Variants in P3H3 observed in about 807,000 individuals in gnomAD.
P3H3 encodes the protein prolyl 3-hydroxylase 3.
Under a neutral mutation model 78.1 loss-of-function variants are expected in P3H3, and 64 were observed. The observed-to-expected ratio is 0.82, with a 90% CI of 0.67 to 1.01. P3H3 has a LOEUF of 1.01. Ranked by LOEUF, P3H3 falls within the 50% of genes least tolerant of loss-of-function variation. The pLI, the probability that P3H3 is intolerant of heterozygous loss-of-function variation, is 0.00. For missense variants in P3H3, 975 were observed against 982.2 expected, an observed-to-expected ratio of 0.99 and a Z score of 0.10; for synonymous variants, 425 against 416.7, an observed-to-expected ratio of 1.02 and a Z score of -0.24.
chr12:6,833,704 G>C (rs781942338), intron 7 of P3H3, 38 bp from the exon 8 acceptor site: 4 of 1,600,842 alleles, frequency 2.5e-6, no homozygotes, highest in Non-Finnish European at 3.4e-6. Flanking sequence ...GGTCTGGACT[G>C]TCCTGGGCAC....
rs781881183 is a variant in P3H3, at chr12:6,831,041, T to C, written c.986-175T>C. On this transcript the variant is annotated intron_variant, in intron 4 of 14. Coordinates refer to ENST00000290510, the MANE Select transcript of P3H3 (RefSeq NM_014262.5). The surrounding 1 kb of genome is among the most constrained non-coding windows in gnomAD (Gnocchi z 4.6). ...TTGAACTCTCCAGCTAAGGTATGTT[T>C]GCACCAGTGTTTGAAAGAACCGGCA... The C allele has an allele frequency of 4.4e-6, 4 of 906,558 alleles. No individual in the cohort carries two copies. Among genetic ancestry groups the C allele is most frequent in the South Asian group, 2.7e-5 (2 of 74,864 alleles). The allele number at this position is 906,558 out of a possible 1,614,324, so 56.2% of individuals were successfully genotyped here.
In P3H3 at chr12:6,829,800, G is replaced by A; in HGVS notation, c.499-59G>A. Reference sequence around the variant, plus strand: ...GGGTAGGGTGGGGAGGCTGGCCAGGGGGCAGAGGTCTGCCCCCCGTCCCAG... The same window carrying A: ...GGGTAGGGTGGGGAGGCTGGCCAGGAGGCAGAGGTCTGCCCCCCGTCCCAG... On this transcript the variant is annotated intron_variant, in intron 1 of 14. Transcript: ENST00000290510. The surrounding 1 kb of genome is among the most constrained non-coding windows in gnomAD (Gnocchi z 5.1). 1.3e-6 allele frequency: 2 copies of A among 1,599,800 alleles called. No homozygotes were observed. The highest frequency in any genetic ancestry group is 3.4e-5 in the Admixed American group (2 of 59,592).
Position 6,828,634 on chromosome 12 carries a change from G to A in P3H3, c.194G>A (p.Arg65Gln). 3.3e-6 allele frequency: 4 copies of A among 1,214,824 alleles called. No homozygotes were observed. Among genetic ancestry groups the A allele is most frequent in the South Asian group, 8.1e-5 (2 of 24,586 alleles). The allele number at this position is 1,214,824 out of a possible 1,614,324, so 75.3% of individuals were successfully genotyped here. Residue 65 changes from arginine to glutamine, a missense_variant, in exon 1 of 15, where the codon CGG becomes CAG. Transcript: ENST00000290510. ...GTGGCGCTGCTGCGGGAGGCGCTGCGGAGCCAGGCGGCGCTGGGCCGGGTG... is the reference window on the plus strand; with the variant it reads ...GTGGCGCTGCTGCGGGAGGCGCTGCAGAGCCAGGCGGCGCTGGGCCGGGTG... ...PAVALLREAL[R>Q]SQAALGRVRL...
chr12:6,839,220 C>A, intron 14 of P3H3, 77 bp from the exon 15 acceptor site: 1 of 1,567,814 alleles, frequency 6.4e-7, no homozygotes, highest in South Asian at 1.2e-5. Flanking sequence ...GGCTCACAGT[C>A]GGTGAGGGTC....
chr12:6,833,892 T>A (rs1235915351), intron 8 of P3H3, 33 bp from the exon 9 acceptor site: 2 of 1,613,836 alleles, frequency 1.2e-6, no homozygotes, highest in African/African-American at 2.7e-5. Flanking sequence ...TAGGGGATGC[T>A]CAGCCCCCTC....
rs1555121373 is a variant in P3H3 at position 6,831,246 on chromosome 12, T to A, written c.1016T>A (p.Val339Asp). 6.2e-7 allele frequency: 1 copy of A among 1,613,802 alleles called. No homozygotes were observed. The highest frequency in any genetic ancestry group is 1.3e-5 in the African/African-American group (1 of 74,958). Residue 339 changes from valine (V) to aspartate (D), a missense_variant, in exon 5 of 15, where the codon GTC becomes GAC. Physicochemically the swap from Val to Asp is radical, Grantham distance 152. Transcript: ENST00000290510. The surrounding 1 kb of genome is among the most constrained non-coding windows in gnomAD (Gnocchi z 4.6). ...AATCTGTCCCAGGCTATAGAAAATG[T>A]CCTGAGTGTCCTGCTCTTCTACCCG... ...VGNLSQAIEN[V>D]LSVLLFYPED...
At chr12:6,834,078 G>T in intron 9 of P3H3, 29 bp downstream of exon 9, 2 of 1,611,754 alleles carry the variant, frequency 1.2e-6, no homozygotes, top group Non-Finnish European at 8.5e-7. Flanking sequence ...TCATCAGCTC[G>T]TTCAAGACTC....
intron 9 of P3H3, among the ~76,000 whole-genome samples, chr12:6,835,709 G>T (rs1392539118): frequency 1.3e-5 from 2 of 152,074 alleles, no homozygotes; most frequent in African/African-American, 4.8e-5. Flanking sequence ...ACACATGAAG[G>T]CCGAGGGACA....
chr12:6,828,467 GCTA>G lies in P3H3; in HGVS notation c.30_32del (p.Leu14del). 1 of 1,223,650 alleles carries G rather than the reference GCTA, an allele frequency of 8.2e-7. No homozygotes were observed. Among genetic ancestry groups the G allele is most frequent in the Non-Finnish European group, 1.1e-6 (1 of 902,816 alleles). 75.8% of individuals were successfully genotyped at this position (1,223,650 alleles called of 1,614,324 possible). The stretch of plus-strand genomic sequence containing the variant: ...TGCTCCGGCTCCTCCGGCCGCTGCT[GCTA>G]CTGCTGCTGCTGCCTCCCCCGGGGT... On this transcript the variant is annotated inframe_deletion, in exon 1 of 15. Coordinates refer to ENST00000290510, the MANE Select transcript of P3H3 (RefSeq NM_014262.5).
chr12:6,837,281 C>G, intron 10 of P3H3, 142 bp from the exon 11 acceptor site: 1 of 1,191,944 alleles, frequency 8.4e-7, no homozygotes, highest in Non-Finnish European at 1.2e-6. Context: ...AGAGAAGGAG[C>G]AGTTTGGGCT....
At position 6,831,478 on chromosome 12, in the gene P3H3, A is replaced by C; in HGVS notation, c.1122+126A>C. On this transcript the variant is annotated intron_variant, in intron 5 of 14. Coordinates refer to ENST00000290510, the MANE Select transcript of P3H3 (RefSeq NM_014262.5). The surrounding 1 kb of genome is among the most constrained non-coding windows in gnomAD (Gnocchi z 4.6). ...GCACTCTAGTCACCCAAAGGACTCC[A>C]AGTCCAGCATCTGACTTCCGTCTCC... 1 of 1,325,098 alleles carries C rather than the reference A, an allele frequency of 7.5e-7. No individual in the cohort carries two copies. Among genetic ancestry groups the C allele is most frequent in the Non-Finnish European group, 1.0e-6 (1 of 977,556 alleles). The allele number at this position is 1,325,098 out of a possible 1,614,324, so 82.1% of individuals were successfully genotyped here. A position where few individuals can be genotyped will look rare whatever the true frequency, so the allele number is the denominator to read the frequency against.
chr12:6,838,706 T>C (rs1943526334), intron 13 of P3H3, among the ~76,000 whole-genome samples: 1 of 152,090 alleles, frequency 6.6e-6, no homozygotes, highest in Non-Finnish European at 1.5e-5. Flanking sequence ...CTTCAAGCCC[T>C]GGATTCAAAG....
rs1462315150 is a variant in P3H3 at position 6,828,898 on chromosome 12, G to A, written c.458G>A (p.Arg153His). Residue 153 changes from arginine to histidine, a missense_variant, in exon 1 of 15, where the codon CGT becomes CAT. Transcript: ENST00000290510. ...VGSALRDAFR[R>H]REPYNYLQRA... ...AGCGCGCTCCGGGACGCCTTCCGCCGTCGGGAGCCCTACAACTACCTGCAG... is the reference window on the plus strand; with the variant it reads ...AGCGCGCTCCGGGACGCCTTCCGCCATCGGGAGCCCTACAACTACCTGCAG... The A allele has an allele frequency of 7.2e-6, 9 of 1,246,754 alleles. No homozygotes were observed. The highest frequency in any genetic ancestry group is 6.2e-5 in the African/African-American group (4 of 64,462). The allele number at this position is 1,246,754 out of a possible 1,614,324, so 77.2% of individuals were successfully genotyped here. A position where few individuals can be genotyped will look rare whatever the true frequency, so the allele number is the denominator to read the frequency against.
At chr12:6,830,151 T>C in intron 2 of P3H3, 140 bp downstream of exon 2, 2 of 1,163,830 alleles carry the variant, frequency 1.7e-6, no homozygotes, top group Non-Finnish European at 2.4e-6. Flanking sequence ...GGAGTCCTTC[T>C]CTAGGACTTC....
In P3H3 at chr12:6,830,517, G is replaced by T; in HGVS notation, c.816G>T (p.Gly272=). ...EQQGAEEEED[G]AASQGGLYEA... ...AGGGGGCTGAAGAAGAGGAGGATGG[G>T]GCTGCGAGCCAGGGGGGCCTCTATG... The change falls in exon 3 of 15, where the codon GGG becomes GGT. Residue 272 remains glycine (G), a synonymous_variant. Coordinates refer to ENST00000290510, the MANE Select transcript of P3H3 (RefSeq NM_014262.5). 6.3e-7 allele frequency: 1 copy of T among 1,577,414 alleles called. No individual in the cohort carries two copies.
In P3H3 at chr12:6,836,839, A is replaced by G. The variant is rs942606309; in HGVS notation, c.1459-146A>G. Reference sequence around the variant, plus strand: ...CGGTGGGCACTCTCTGGGAAAGAGCAGCAGCTCAGGAAGACGAGCCACAAC... The same window carrying G: ...CGGTGGGCACTCTCTGGGAAAGAGCGGCAGCTCAGGAAGACGAGCCACAAC... On this transcript the variant is annotated intron_variant, in intron 9 of 14. Transcript: ENST00000290510. 21 of 624,734 alleles carry G rather than the reference A, an allele frequency of 3.4e-5. No homozygotes were observed. In the African/African-American group the frequency reaches 3.5e-4, roughly 10 times the overall value. 38.7% of individuals were successfully genotyped at this position (624,734 alleles called of 1,614,324 possible).
intron 3 of P3H3, 29 bp downstream of exon 3, chr12:6,830,583 T>A (rs1388257465): frequency 1.6e-5 from 25 of 1,581,796 alleles, no homozygotes; most frequent in Non-Finnish European, 2.1e-5. Context: ...AGGGGGTGGG[T>A]CGGTGCCCAG....
At chr12:6,837,350 G>A (rs1276030675) in intron 10 of P3H3, 73 bp from the exon 11 acceptor site, 12 of 1,532,702 alleles carry the variant, frequency 7.8e-6, no homozygotes, top group Non-Finnish European at 1.1e-5. Flanking sequence ...CGGCAGAGTT[G>A]GGCAGGGGCT....
At position 6,828,525 on chromosome 12, in the gene P3H3, TC is replaced by T. The variant is rs1555120776; in HGVS notation, c.89del (p.Pro30ArgfsTer96). The T allele has an allele frequency of 2.4e-6, 3 of 1,275,204 alleles. No individual in the cohort carries two copies. Among genetic ancestry groups the T allele is most frequent in the Non-Finnish European group, 3.0e-6 (3 of 1,006,352 alleles). The allele number at this position is 1,275,204 out of a possible 1,614,324, so 79.0% of individuals were successfully genotyped here. On this transcript the variant is annotated frameshift_variant, in exon 1 of 15. Coordinates refer to ENST00000290510, the MANE Select transcript of P3H3 (RefSeq NM_014262.5). LOFTEE classifies it high-confidence loss of function. ...SPEPPGLTQL[S>X]PGAPPQAPDL... ...TGAGCCCCCCGGCCTGACCCAGCTGTCCCCGGGGGCGCCCCCGCAGGCCCCC... is the reference window on the plus strand; with the variant it reads ...TGAGCCCCCCGGCCTGACCCAGCTGTCCCGGGGGCGCCCCCGCAGGCCCCC...
Sources: allele counts gnomAD v4.1 joint callset (sites outside exome capture counted in the v4.1 genomes callset), GRCh38; gene constraint gnomAD v4.1.1; non-coding constraint Gnocchi (gnomAD v3.1); transcripts MANE v1.5; gene names NCBI Gene and HGNC (gene_info 2026-07-23, HGNC 2026-07-21).